SLC2A9: variants seen among roughly 807,000 people sequenced by gnomAD.
SLC2A9 encodes the protein solute carrier family 2 member 9, also known as solute carrier family 2, facilitated glucose transporter member 9.
SLC2A9 carries 39 observed loss-of-function variants against 50.6 expected under a neutral mutation model. That is an observed-to-expected ratio of 0.77 (90% CI 0.60 to 1.01). The LOEUF (loss-of-function observed/expected upper bound fraction) is 1.01. Among genes scored for constraint, SLC2A9 ranks in the 50% least tolerant of loss-of-function variants. SLC2A9 has a pLI of 0.00. For synonymous variants in SLC2A9, 324 were observed against 276.9 expected (o/e 1.17, Z -1.69); for missense variants, 686 against 677.6 (o/e 1.01, Z -0.14).
At chr4:9,959,694 A>G (rs1186772478) in intron 5 of SLC2A9, among the ~76,000 whole-genome samples, 1 of 152,186 alleles carries the variant, frequency 6.6e-6, no homozygotes, top group Non-Finnish European at 1.5e-5. Flanking sequence ...TTTAAAATTT[A>G]AGACAAAGAT....
chr4:9,775,966 G>A (rs12507861), downstream of SLC2A9, among the ~76,000 whole-genome samples: 83,655 of 151,822 alleles, frequency 0.55, 24,019 homozygotes, highest in Non-Finnish European at 0.64. Context: ...TCAGGGTCCT[G>A]TGGGATGTTC....
At chr4:9,783,626 G>C in intron 3 of SLC2A9, 1 of 708,552 alleles carries the variant, frequency 1.4e-6, no homozygotes, top group Non-Finnish European at 2.3e-6. Context: ...TTGGTAGTTC[G>C]AAGAATTGGC....
At chr4:9,780,543 G>A (rs2108842554) in intron 3 of SLC2A9, among the ~76,000 whole-genome samples, 1 of 152,250 alleles carries the variant, frequency 6.6e-6, no homozygotes, top group East Asian at 1.9e-4. Context: ...TTGGTGGAGG[G>A]GGAGACTAGG....
intron 10 of SLC2A9, among the ~76,000 whole-genome samples, chr4:9,852,268 C>A (rs1352498878): frequency 6.8e-6 from 1 of 146,864 alleles, no homozygotes; most frequent in African/African-American, 2.5e-5. Flanking sequence ...TTTTTTGAGA[C>A]GGAGTCTCGC....
chr4:9,939,274 C>T (rs951962783), intron 6 of SLC2A9, among the ~76,000 whole-genome samples: 3 of 152,134 alleles, frequency 2.0e-5, no homozygotes, highest in African/African-American at 7.2e-5. Context: ...ATTTTAAGGT[C>T]AAGCCCTACT....
chr4:9,773,482 T>C (rs965860082), intron 1 of SLC2A9, among the ~76,000 whole-genome samples: 2 of 152,236 alleles, frequency 1.3e-5, no homozygotes, highest in South Asian at 4.1e-4. Context: ...TTAAAATACA[T>C]CTTCAGAAGA....
chr4:9,846,261 A>G (rs1728978176), intron 10 of SLC2A9, among the ~76,000 whole-genome samples: 1 of 152,228 alleles, frequency 6.6e-6, no homozygotes, highest in Non-Finnish European at 1.5e-5. Context: ...AACAGCCAAG[A>G]TATATCAGCA....
chr4:9,845,427 C>CTTTTTTTTTTTTTT (rs1175166447), intron 10 of SLC2A9, among the ~76,000 whole-genome samples: 5 of 108,692 alleles, frequency 4.6e-5, no homozygotes, highest in African/African-American at 1.6e-4. Context: ...TCATCAATTT[C>CTTTTTTTTTTTTTT]TTTTTTTTTT....
rs73807606 is a variant in SLC2A9, at chr4:9,864,644, C to A, written c.1291+22923G>T. On this transcript the variant is annotated intron_variant, in intron 10 of 11. Transcript: ENST00000264784. ...TAAGCAGGGTCCCAGCTCTCCAAAC[C>A]CAAGCCTGGAAGAGTACAAATTCTG... Among the ~76,000 whole-genome samples the A allele has an allele frequency of 5.4e-3, 819 of 152,316 alleles. 7 individuals carry two copies. Among genetic ancestry groups the A allele is most frequent in the African/African-American group, 0.018 (767 of 41,568 alleles).
intron 3 of SLC2A9, among the ~76,000 whole-genome samples, chr4:9,807,844 A>G (rs932018037): frequency 9.9e-5 from 15 of 151,800 alleles, no homozygotes; most frequent in African/African-American, 3.6e-4. Context: ...GTTTCTTGTG[A>G]CTCTCAGGGC....
chr4:10,038,497 ACT>A (rs1764177206), intron 1 of SLC2A9, among the ~76,000 whole-genome samples: 1 of 112,754 alleles, frequency 8.9e-6, no homozygotes, highest in African/African-American at 3.4e-5. Context: ...ACAGAGTAAG[ACT>A]CTGTCTCAAA....
At position 10,005,262 on chromosome 4, in the gene SLC2A9, G is replaced by T. The variant is rs1212993570; in HGVS notation, c.250-8321C>A. On this transcript the variant is annotated intron_variant, in intron 2 of 11. Coordinates refer to ENST00000264784, the MANE Select transcript of SLC2A9 (RefSeq NM_020041.3). ...GACGGAGTGGGCTCAGTTACAGGAC[G>T]ACAGGCAGAGTTAACAGAATTCTTG... 1.3e-5 allele frequency among the ~76,000 whole-genome samples: 2 copies of T among 152,188 alleles called. 1 individual carries two copies. The highest frequency in any genetic ancestry group is 4.1e-4 in the South Asian group (2 of 4,834).
intron 10 of SLC2A9, among the ~76,000 whole-genome samples, chr4:9,855,139 A>T (rs993624302): frequency 7.2e-5 from 11 of 152,168 alleles, no homozygotes; most frequent in African/African-American, 2.7e-4. Flanking sequence ...GAAATAAAAG[A>T]TGTCCAAATA....
At chr4:9,884,327 A>G (rs1414744035) in intron 10 of SLC2A9, among the ~76,000 whole-genome samples, 1 of 152,182 alleles carries the variant, frequency 6.6e-6, no homozygotes, top group Non-Finnish European at 1.5e-5. Context: ...CTAGAGTGCA[A>G]TGCTGCCATC....
intron 8 of SLC2A9, among the ~76,000 whole-genome samples, chr4:9,900,454 G>T (rs1035870348): frequency 5.4e-5 from 8 of 148,358 alleles, no homozygotes; most frequent in South Asian, 2.3e-4. Context: ...TTACTTAAAA[G>T]ATATTATTCA....
intron 3 of SLC2A9, chr4:9,782,778 G>C: frequency 1.2e-6 from 2 of 1,613,972 alleles, no homozygotes; most frequent in East Asian, 2.2e-5. Context: ...CGCATCTACC[G>C]CATCGCCCAG....
chr4:9,923,352 T>G (rs139343650), intron 6 of SLC2A9, among the ~76,000 whole-genome samples: 4 of 152,340 alleles, frequency 2.6e-5, no homozygotes, highest in Admixed American at 1.3e-4. Flanking sequence ...CCACTTGTTA[T>G]ATAACCTGTT....
chr4:9,887,254 G>T (rs1260039451), intron 10 of SLC2A9, among the ~76,000 whole-genome samples: 1 of 152,242 alleles, frequency 6.6e-6, no homozygotes, highest in African/African-American at 2.4e-5. Flanking sequence ...ACTGTGACTT[G>T]GTTGTCTTTG....
intron 3 of SLC2A9, among the ~76,000 whole-genome samples, chr4:9,994,322 GCTTT>G (rs1475325189): frequency 3.3e-5 from 5 of 152,184 alleles, no homozygotes; most frequent in African/African-American, 1.2e-4. Flanking sequence ...ATAGATGGTA[GCTTT>G]CTTTTTCAAT....
Sources: gnomAD v4.1 joint callset for allele counts (sites outside exome capture counted in the v4.1 genomes callset) on GRCh38, gnomAD v4.1.1 for gene constraint, MANE v1.5 for transcripts, NCBI Gene and HGNC (gene_info 2026-07-23, HGNC 2026-07-21) for gene names.